GDAP1: variants seen among roughly 807,000 people sequenced by gnomAD.
The protein encoded by GDAP1 is ganglioside induced differentiation associated protein 1.
Under a neutral mutation model 40.1 loss-of-function variants are expected in GDAP1, and 34 were observed. That is an observed-to-expected ratio of 0.85 (90% CI 0.64 to 1.13). The LOEUF is 1.13. GDAP1 is among the 50% of genes most tolerant of loss of function. GDAP1 has a pLI of 0.00. For missense variants in GDAP1, 374 were observed against 433.7 expected, an observed-to-expected ratio of 0.86 and a Z score of 1.22; for synonymous variants, 170 against 157.4, an observed-to-expected ratio of 1.08 and a Z score of -0.60.
At chr8:74,431,085 A>G in intron 2 of GDAP1, among the ~76,000 whole-genome samples, 1 of 147,976 alleles carries the variant, frequency 6.8e-6, no homozygotes, top group Non-Finnish European at 1.5e-5. Flanking sequence ...TTTTTAATTT[A>G]TACATTTTTC....
intron 2 of GDAP1, among the ~76,000 whole-genome samples, chr8:74,429,064 A>G (rs1586832400): frequency 6.6e-6 from 1 of 151,910 alleles, no homozygotes; most frequent in African/African-American, 2.4e-5. Context: ...TTATGGCTGC[A>G]TAGTATTCCA....
At chr8:74,445,028 A>G (rs978991724) in intron 2 of GDAP1, among the ~76,000 whole-genome samples, 2 of 152,198 alleles carry the variant, frequency 1.3e-5, no homozygotes, top group Non-Finnish European at 1.5e-5. Flanking sequence ...GTGTCATAAC[A>G]AATAGTTCTT....
Position 74,364,022 on chromosome 8 carries a change from C to T in GDAP1, c.732C>T (p.Phe244=). 1 of 1,614,048 alleles carries T rather than the reference C, an allele frequency of 6.2e-7. No homozygotes were observed. The highest frequency in any genetic ancestry group is 8.5e-7 in the Non-Finnish European group (1 of 1,179,916). Residue 244 remains phenylalanine, a synonymous_variant, in exon 6 of 6, where the codon TTC becomes TTT. Coordinates refer to ENST00000220822, the MANE Select transcript of GDAP1 (RefSeq NM_018972.4). ...GQQPWLCGES[F]TLADVSLAVT... ...AACCTTGGCTCTGCGGTGAATCCTT[C>T]ACCCTGGCAGACGTCTCACTCGCTG...
chr8:74,457,283 AC>A (rs1322549796), intron 2 of GDAP1, among the ~76,000 whole-genome samples: 2 of 152,054 alleles, frequency 1.3e-5, no homozygotes, highest in African/African-American at 2.4e-5. Flanking sequence ...CATTTTAATT[AC>A]CTGTGCAAAT....
intron 2 of GDAP1, among the ~76,000 whole-genome samples, chr8:74,449,027 A>G (rs1004960448): frequency 1.3e-5 from 2 of 151,958 alleles, no homozygotes; most frequent in African/African-American, 4.8e-5. Flanking sequence ...AGTTTTGTGT[A>G]TGGTGTGAAG....
intron 2 of GDAP1, among the ~76,000 whole-genome samples, chr8:74,357,330 G>A (rs956375635): frequency 9.2e-5 from 14 of 152,034 alleles, no homozygotes; most frequent in African/African-American, 2.4e-4. Context: ...GAAAACTTAT[G>A]CCTTTAAGCC....
rs1188279982 is a variant in GDAP1 at position 74,416,422 on chromosome 8, A to G, written c.165+65101A>G. 1.0e-4 allele frequency among the ~76,000 whole-genome samples: 15 copies of G among 150,292 alleles called. No homozygotes were observed. The East Asian group carries it at 2.9e-3, about 29-fold the overall frequency. Reference sequence around the variant, plus strand: ...ACAACATCTGCAAGCAGAATAACACAGTGCCCAGGAAAGAGAAAACTTTCG... The same window carrying G: ...ACAACATCTGCAAGCAGAATAACACGGTGCCCAGGAAAGAGAAAACTTTCG... On this transcript the variant is annotated intron_variant, in intron 2 of 2. Transcript: ENST00000523640.
At chr8:74,380,365 C>T (rs4313147) in intron 2 of GDAP1, among the ~76,000 whole-genome samples, 1 of 151,912 alleles carries the variant, frequency 6.6e-6, no homozygotes, top group Non-Finnish European at 1.5e-5. Context: ...GTCCCCAAAC[C>T]GGCTTTTCTA....
intron 2 of GDAP1, among the ~76,000 whole-genome samples, chr8:74,415,042 T>C (rs911078245): frequency 1.3e-5 from 2 of 150,222 alleles, no homozygotes; most frequent in African/African-American, 5.1e-5. Context: ...GATTGCTCAA[T>C]GAAAAGAACT....
At chr8:74,406,090 A>C (rs1201554821) in intron 2 of GDAP1, among the ~76,000 whole-genome samples, 1 of 150,270 alleles carries the variant, frequency 6.7e-6, no homozygotes, top group Non-Finnish European at 1.5e-5. Flanking sequence ...GCATAAACAA[A>C]AGCTAACTGT....
At chr8:74,488,585 T>G (rs1806804511) in intron 2 of GDAP1, 1 of 152,214 alleles carries the variant, frequency 6.6e-6, no homozygotes, top group Non-Finnish European at 1.5e-5. Flanking sequence ...TTATTTTGGT[T>G]AATATGTTCT....
intron 2 of GDAP1, among the ~76,000 whole-genome samples, chr8:74,352,718 A>T (rs533916476): frequency 1.3e-5 from 2 of 152,324 alleles, no homozygotes; most frequent in South Asian, 4.1e-4. Flanking sequence ...ATAAATTTAT[A>T]TGCTGGGGAC....
intron 2 of GDAP1, among the ~76,000 whole-genome samples, chr8:74,477,820 G>A (rs1055243905): frequency 6.6e-6 from 1 of 152,044 alleles, no homozygotes; most frequent in African/African-American, 2.4e-5. Context: ...TCATCAGCTG[G>A]GGCAAGGTGC....
chr8:74,413,733 TC>T (rs1315235825), intron 2 of GDAP1, among the ~76,000 whole-genome samples: 2 of 146,256 alleles, frequency 1.4e-5, no homozygotes, highest in East Asian at 1.9e-4. Flanking sequence ...TTTTTTTTTT[TC>T]CTCATTGTGT....
chr8:74,362,110 C>T (rs1336121694), intron 4 of GDAP1, 132 bp downstream of exon 4: 1 of 683,094 alleles, frequency 1.5e-6, no homozygotes, highest in Admixed American at 2.1e-5. Context: ...TTACCTTTGG[C>T]TTATGTTCTC....
At chr8:74,462,590 A>G (rs1358133072) in intron 2 of GDAP1, among the ~76,000 whole-genome samples, 1 of 152,204 alleles carries the variant, frequency 6.6e-6, no homozygotes. Flanking sequence ...TACCAAATAG[A>G]CATTAATGAT....
intron 2 of GDAP1, among the ~76,000 whole-genome samples, chr8:74,439,036 A>ATATATG (rs1554555355): frequency 6.7e-6 from 1 of 150,054 alleles, no homozygotes; most frequent in Non-Finnish European, 1.5e-5. Flanking sequence ...GTGTATATAT[A>ATATATG]TGTGTGTGTG....
At chr8:74,398,813 GT>G (rs1810260361) in intron 2 of GDAP1, among the ~76,000 whole-genome samples, 1 of 151,896 alleles carries the variant, frequency 6.6e-6, no homozygotes, top group Non-Finnish European at 1.5e-5. Flanking sequence ...TAATCATGTG[GT>G]TTTTGTCTTT....
intron 2 of GDAP1, among the ~76,000 whole-genome samples, chr8:74,461,835 T>A (rs1806405560): frequency 6.6e-6 from 1 of 152,230 alleles, no homozygotes; most frequent in African/African-American, 2.4e-5. Context: ...CCTACAAAAA[T>A]GCAGGTGCAG....
Sources: allele counts gnomAD v4.1 joint callset (sites outside exome capture counted in the v4.1 genomes callset), GRCh38; gene constraint gnomAD v4.1.1; transcripts MANE v1.5; gene names NCBI Gene and HGNC (gene_info 2026-07-23, HGNC 2026-07-21).